Variants in GATA3 observed in about 807,000 individuals in gnomAD.
GATA3 encodes trans-acting T-cell-specific transcription factor GATA-3.
A neutral mutation model predicts 36.0 loss-of-function variants in GATA3; 6 were observed. That is an observed-to-expected ratio of 0.17 (90% CI 0.09 to 0.33). GATA3 has a LOEUF of 0.33. Among genes scored for constraint, GATA3 ranks in the 10% least tolerant of loss-of-function variants. GATA3 has a pLI of 1.00. For synonymous variants in GATA3, 326 were observed against 273.0 expected (o/e 1.19, Z -1.92); for missense variants, 514 against 610.1 (o/e 0.84, Z 1.66).
intron 2 of GATA3, 112 bp downstream of exon 2, chr10:8,056,008 C>T: frequency 7.2e-7 from 1 of 1,398,434 alleles, no homozygotes; most frequent in Non-Finnish European, 9.8e-7. Context: ...CCCCCATCTG[C>T]CGTTCCTGGT....
chr10:8,065,700 G>GTTTTTTTTTTTTTT, intron 4 of GATA3, among the ~76,000 whole-genome samples: 1 of 62,290 alleles, frequency 1.6e-5, no homozygotes, highest in Non-Finnish European at 2.8e-5. Flanking sequence ...CAGCAGTTTG[G>GTTTTTTTTTTTTTT]TTTTTTTTTT....
chr10:8,049,070 T>C (rs1222693413), upstream of GATA3, among the ~76,000 whole-genome samples: 1 of 140,496 alleles, frequency 7.1e-6, no homozygotes, highest in Non-Finnish European at 1.5e-5. Flanking sequence ...CGGTGATCGA[T>C]GAATAAGCAA....
intron 2 of GATA3, among the ~76,000 whole-genome samples, chr10:8,057,624 A>C (rs1832662834): frequency 6.6e-6 from 1 of 152,178 alleles, no homozygotes. Context: ...CAGCCCGAGC[A>C]ATGAAAACGT....
upstream of GATA3, among the ~76,000 whole-genome samples, chr10:8,049,241 C>A (rs1832431664): frequency 6.6e-6 from 1 of 152,190 alleles, no homozygotes; most frequent in South Asian, 2.1e-4. Context: ...GGCGTGGGAG[C>A]CGCGAGGAGA....
chr10:8,057,676 C>G (rs1588376846), intron 2 of GATA3, among the ~76,000 whole-genome samples: 1 of 152,154 alleles, frequency 6.6e-6, no homozygotes, highest in Non-Finnish European at 1.5e-5. Flanking sequence ...GCAGCCTGGC[C>G]GTTTCTGAGC....
chr10:8,046,066 T>A (rs1832382974), intron 1 of GATA3, among the ~76,000 whole-genome samples: 1 of 152,116 alleles, frequency 6.6e-6, no homozygotes, highest in Admixed American at 6.5e-5. Context: ...TCCGGAGGCT[T>A]CTTTGCTTCC....
At chr10:8,063,949 G>A (rs776898137) in intron 3 of GATA3, 44 bp from the exon 4 acceptor site, 10 of 1,614,024 alleles carry the variant, frequency 6.2e-6, no homozygotes, top group Admixed American at 5.0e-5. Flanking sequence ...GCTTTCCTGC[G>A]TGTTTTCCTT....
At chr10:8,070,551 A>G (rs1482372038) in intron 5 of GATA3, among the ~76,000 whole-genome samples, 2 of 151,870 alleles carry the variant, frequency 1.3e-5, no homozygotes, top group Non-Finnish European at 2.9e-5. Flanking sequence ...CTCTTGGCCA[A>G]CCTGACTTTG....
chr10:8,061,467 G>C (rs1011244386), intron 3 of GATA3, among the ~76,000 whole-genome samples: 1 of 152,192 alleles, frequency 6.6e-6, no homozygotes, highest in African/African-American at 2.4e-5. Flanking sequence ...TGTGGTTCTT[G>C]TCACCTAAGA....
chr10:8,070,227 A>G (rs1169223222), intron 5 of GATA3, among the ~76,000 whole-genome samples: 1 of 152,198 alleles, frequency 6.6e-6, no homozygotes. Flanking sequence ...GGATGTTACC[A>G]TACCAGGGAA....
intron 4 of GATA3, among the ~76,000 whole-genome samples, chr10:8,066,772 TGTA>T (rs1832850541): frequency 6.6e-6 from 1 of 152,234 alleles, no homozygotes; most frequent in Non-Finnish European, 1.5e-5. Flanking sequence ...TTTAATATAC[TGTA>T]CCTCCTGCTA....
At chr10:8,062,066 G>A (rs1006933878) in intron 3 of GATA3, among the ~76,000 whole-genome samples, 8 of 152,162 alleles carry the variant, frequency 5.3e-5, no homozygotes, top group Non-Finnish European at 8.8e-5. Context: ...GGCTGCAGCC[G>A]GTTACTCGCC....
At chr10:8,069,701 A>G (rs540207365) in intron 5 of GATA3, 103 bp downstream of exon 5, 2 of 1,351,998 alleles carry the variant, frequency 1.5e-6, no homozygotes, top group South Asian at 2.4e-5. Flanking sequence ...CCATGGGGGC[A>G]GATGACAGGT....
intron 3 of GATA3, among the ~76,000 whole-genome samples, chr10:8,063,034 G>A (rs1387835194): frequency 6.6e-6 from 1 of 152,212 alleles, no homozygotes; most frequent in African/African-American, 2.4e-5. Context: ...GGCTGAGGGA[G>A]TGAATGCTGC....
chr10:8,047,565 G>T (rs781178480), intron 1 of GATA3, among the ~76,000 whole-genome samples: 13 of 152,202 alleles, frequency 8.5e-5, no homozygotes, highest in Non-Finnish European at 1.6e-4. Context: ...AGCAAACTGA[G>T]GAATCCCCCT....
chr10:8,052,952 T>G (rs1276720769), upstream of GATA3: 1 of 151,028 alleles, frequency 6.6e-6, no homozygotes, highest in African/African-American at 2.4e-5. Flanking sequence ...CTGTCCTATA[T>G]ATGGAAATTC....
chr10:8,046,719 C>A (rs976159094), intron 1 of GATA3, among the ~76,000 whole-genome samples: 14 of 149,034 alleles, frequency 9.4e-5, no homozygotes, highest in Non-Finnish European at 1.6e-4. Flanking sequence ...CATGTTTGTG[C>A]CATTCAGAAG....
At position 8,064,020 on chromosome 10, in the gene GATA3, C is replaced by T. The variant is rs755749115; in HGVS notation, c.806C>T (p.Ala269Val). The change falls in exon 4 of 6, where the codon GCA (alanine) becomes GTA (valine). Residue 269 changes from alanine to valine, a missense_variant. This residue lies in a region of GATA3 where 44 missense variants were observed against 151.5 expected (regional missense o/e 0.29). Coordinates refer to ENST00000379328, the MANE Select transcript of GATA3 (RefSeq NM_001002295.2). ...GGCAGGGAGTGTGTGAACTGTGGGGCAACCTCGACCCCACTGTGGCGGCGA... is the reference window on the plus strand; with the variant it reads ...GGCAGGGAGTGTGTGAACTGTGGGGTAACCTCGACCCCACTGTGGCGGCGA... ...TEGRECVNCGATSTPLWRRDG... is the reference protein window; with the variant it reads ...TEGRECVNCGVTSTPLWRRDG... 1 of 1,614,208 alleles carries T rather than the reference C, an allele frequency of 6.2e-7. No individual in the cohort carries two copies. The highest frequency in any genetic ancestry group is 1.1e-5 in the South Asian group (1 of 91,080).
intron 1 of GATA3, among the ~76,000 whole-genome samples, chr10:8,046,580 T>C (rs1028553255): frequency 1.3e-5 from 2 of 150,952 alleles, no homozygotes; most frequent in Admixed American, 6.6e-5. Flanking sequence ...GGGCTGGGGG[T>C]CTAGCCAGGC....
Sources: gnomAD v4.1 joint callset for allele counts (sites outside exome capture counted in the v4.1 genomes callset) on GRCh38, gnomAD v4.1.1 for gene constraint, gnomAD v4.1.1 regional missense constraint, MANE v1.5 for transcripts, NCBI Gene and HGNC (gene_info 2026-07-23, HGNC 2026-07-21) for gene names.